COL16A1: variants seen among roughly 807,000 people sequenced by gnomAD.
COL16A1 encodes collagen type XVI alpha 1 chain.
A neutral mutation model predicts 266.3 loss-of-function variants in COL16A1; 189 were observed. The ratio of observed to expected loss-of-function variants is 0.71; its 90% CI spans 0.63 to 0.80. COL16A1 has a LOEUF of 0.80. COL16A1 is among the 30% of genes least tolerant of loss of function. The pLI is 0.00. For missense variants in COL16A1, 1,928 were observed against 2,122.4 expected, an observed-to-expected ratio of 0.91 and a Z score of 1.80; for synonymous variants, 740 against 782.3, an observed-to-expected ratio of 0.95 and a Z score of 0.90.
intron 33 of COL16A1, 81 bp downstream of exon 33, chr1:31,683,869 G>A: frequency 3.7e-6 from 6 of 1,607,852 alleles, no homozygotes; most frequent in African/African-American, 2.7e-5. Context: ...TCCCACTCCA[G>A]GCCCACTGCC....
chr1:31,693,502 A>G (rs1236985235), intron 12 of COL16A1, among the ~76,000 whole-genome samples: 2 of 152,198 alleles, frequency 1.3e-5, no homozygotes, highest in Non-Finnish European at 2.9e-5. Context: ...GCAGAAACCC[A>G]TGCTGGCTGA....
intron 44 of COL16A1, chr1:31,673,183 C>T (rs1009563157): frequency 4.0e-5 from 15 of 373,016 alleles, no homozygotes; most frequent in Admixed American, 7.7e-5. Context: ...GGACAAGCCA[C>T]GAGGAGTGAG....
chr1:31,661,355 G>T, intron 60 of COL16A1, 59 bp downstream of exon 60: 1 of 1,612,366 alleles, frequency 6.2e-7, no homozygotes, highest in South Asian at 1.1e-5. Context: ...ATGTATGCCT[G>T]GGGGCAAGCC....
At chr1:31,678,813 C>T (rs1643389218) in intron 42 of COL16A1, among the ~76,000 whole-genome samples, 1 of 152,170 alleles carries the variant, frequency 6.6e-6, no homozygotes, top group Non-Finnish European at 1.5e-5. Flanking sequence ...CCTACCGTCA[C>T]ACAGCTAGCA....
rs763745610 is a variant in COL16A1, at chr1:31,674,974, CA to C, written c.2859+32del. 3 of 1,608,678 alleles carry C rather than the reference CA, an allele frequency of 1.9e-6. No homozygotes were observed. In the Admixed American group the frequency reaches 5.0e-5, roughly 27 times the overall value. ...GAATCCCCTTAGGAGACACCCCCGC[CA>C]GCTCACACTTCCCTCCTGGGTACCC... is the stretch of plus-strand genomic sequence containing the variant. On this transcript the variant is annotated intron_variant, in intron 44 of 70. Coordinates refer to ENST00000373672, the MANE Select transcript of COL16A1 (RefSeq NM_001856.4).
chr1:31,659,883 T>C (rs1204247063), intron 62 of COL16A1: 1 of 150,450 alleles, frequency 6.6e-6, no homozygotes, highest in Non-Finnish European at 1.5e-5. Flanking sequence ...CCAGGCTTGA[T>C]ATGGCATTCC....
intron 24 of COL16A1, 30 bp from the exon 25 acceptor site, chr1:31,689,001 G>T (rs1326212559): frequency 6.2e-7 from 1 of 1,613,946 alleles, no homozygotes; most frequent in African/African-American, 1.3e-5. Flanking sequence ...GATCAGAAAT[G>T]CTTCCAGGTA....
In COL16A1 at chr1:31,661,882, G is replaced by A. The variant is rs200397433; in HGVS notation, c.3682-178C>T. The A allele has an allele frequency of 6.1e-4, 417 of 678,144 alleles. 5 individuals are homozygous for A. In the East Asian group the frequency reaches 0.01, roughly 16 times the overall value. The allele number at this position is 678,144 out of a possible 1,614,324, so 42.0% of individuals were successfully genotyped here. A position where few individuals can be genotyped will look rare whatever the true frequency, so the allele number is the denominator to read the frequency against. ...CCTCAGTGACTTCCAGCCCCTCTCC[G>A]GGCCTTAGCTTTCCTTCTTTGGGAT... On this transcript the variant is annotated intron_variant, in intron 58 of 70. Coordinates refer to ENST00000373672, the MANE Select transcript of COL16A1 (RefSeq NM_001856.4).
Position 31,656,844 on chromosome 1 carries a change from A to G in COL16A1, c.4056+189T>C. ...GGTTTAAAAAAAAAAAAAAAAAGGT[A>G]AAACAAATCTCACTCCCATCCTTGG... is the stretch of plus-strand genomic sequence containing the variant. On this transcript the variant is annotated intron_variant, in intron 65 of 70. Coordinates refer to ENST00000373672, the MANE Select transcript of COL16A1 (RefSeq NM_001856.4). The surrounding 1 kb of genome is among the most constrained non-coding windows in gnomAD (Gnocchi z 4.2). 2 of 676,552 alleles carry G rather than the reference A, an allele frequency of 3.0e-6. No homozygotes were observed. Among genetic ancestry groups the G allele is most frequent in the East Asian group, 5.5e-5 (2 of 36,270 alleles). The allele number at this position is 676,552 out of a possible 1,614,324, so 41.9% of individuals were successfully genotyped here.
chr1:31,681,615 C>T (rs1317884637), intron 37 of COL16A1, among the ~76,000 whole-genome samples: 1 of 152,216 alleles, frequency 6.6e-6, no homozygotes, highest in Non-Finnish European at 1.5e-5. Flanking sequence ...GGGAAGCCTG[C>T]TGGATGGAAT....
chr1:31,657,313 C>T lies in COL16A1; in HGVS notation c.4021-245G>A, dbSNP rs911045413. On this transcript the variant is annotated intron_variant, in intron 64 of 70. Coordinates refer to ENST00000373672, the MANE Select transcript of COL16A1 (RefSeq NM_001856.4). This position sits in a 1 kb window ranked among gnomAD's most constrained non-coding sequence, Gnocchi z 6.4. ...CTACAAGAGCTTTACAAGGGAAGAA[C>T]AGACCGTGCCTGCCTTGCTGTGTGC... 8.7e-6 allele frequency: 5 copies of T among 574,088 alleles called. No homozygotes were observed. The highest frequency in any genetic ancestry group is 1.9e-5 in the African/African-American group (1 of 53,602). 35.6% of individuals were successfully genotyped at this position (574,088 alleles called of 1,614,324 possible).
chr1:31,654,912 C>T, intron 67 of COL16A1, 54 bp from the exon 68 acceptor site: 1 of 1,601,524 alleles, frequency 6.2e-7, no homozygotes. Flanking sequence ...CTGGCATTTT[C>T]CCCTATGGAA....
At chr1:31,666,905 C>G (rs149355388) in intron 52 of COL16A1, among the ~76,000 whole-genome samples, 125 of 152,332 alleles carry the variant, frequency 8.2e-4, no homozygotes, top group Non-Finnish European at 9.0e-4. Flanking sequence ...CCCTCCCCCA[C>G]GGCAGGGCAA....
At position 31,698,000 on chromosome 1, in the gene COL16A1, G is replaced by A; in HGVS notation, c.563C>T (p.Ser188Leu). The A allele has an allele frequency of 1.2e-6, 2 of 1,613,546 alleles. No homozygotes were observed. The highest frequency in any genetic ancestry group is 2.2e-5 in the East Asian group (1 of 44,872). ...GGGCCCCAGAGGCTGGGAGGAGGCT[G>A]AGCTGCAGTCCACGTGCACAGAGGC... ...RVASVHVDCS[S>L]ASSQPLGPRR... The change falls in exon 6 of 71, where the codon TCA (serine) becomes TTA (leucine). Residue 188 changes from serine (S) to leucine (L), a missense_variant. This residue lies in a region of COL16A1 where 1,552 missense variants were observed against 1,637.2 expected (regional missense o/e 0.95). Transcript: ENST00000373672. The surrounding 1 kb of genome is among the most constrained non-coding windows in gnomAD (Gnocchi z 4.2).
intron 60 of COL16A1, 103 bp downstream of exon 60, chr1:31,661,311 G>A (rs1641640818): frequency 6.3e-7 from 1 of 1,580,816 alleles, no homozygotes; most frequent in Non-Finnish European, 8.6e-7. Context: ...AGGCTCTGAT[G>A]CTGGGATGGC....
rs75196479 is a variant in COL16A1, at chr1:31,656,043, G to C, written c.4101+357C>G. ...CTTCTGGAAAACTTGCCAATCCCTA[G>C]TGTAAGTGTGACTGGTCTATTGTGA... On this transcript the variant is annotated intron_variant, in intron 66 of 70. Transcript: ENST00000373672. This position sits in a 1 kb window ranked among gnomAD's most constrained non-coding sequence, Gnocchi z 4.2. 2.8e-6 allele frequency: 1 copy of C among 358,456 alleles called. No individual in the cohort carries two copies. Among genetic ancestry groups the C allele is most frequent in the Non-Finnish European group, 5.1e-6 (1 of 194,360 alleles). 22.2% of individuals were successfully genotyped at this position (358,456 alleles called of 1,614,324 possible).
chr1:31,662,533 C>A, intron 57 of COL16A1, 54 bp downstream of exon 57: 1 of 1,547,234 alleles, frequency 6.5e-7, no homozygotes, highest in Admixed American at 1.9e-5. Context: ...ACATGCACCA[C>A]ACACATGCGC....
chr1:31,701,561 G>A lies in COL16A1; in HGVS notation c.73+560C>T, dbSNP rs984589887. The A allele has an allele frequency of 3.0e-6, 3 of 985,286 alleles. No individual in the cohort carries two copies. The African/African-American group carries it at 5.2e-5, about 17-fold the overall frequency. The allele number at this position is 985,286 out of a possible 1,614,324, so 61.0% of individuals were successfully genotyped here. A position where few individuals can be genotyped will look rare whatever the true frequency, so the allele number is the denominator to read the frequency against. On this transcript the variant is annotated intron_variant, in intron 2 of 70. Coordinates refer to ENST00000373672, the MANE Select transcript of COL16A1 (RefSeq NM_001856.4). ...TCAACTTCCCCTGGCTTTGGGCCCTGGAAAGCTGCACCCTCTGTCTCATCC... is the reference window on the plus strand; with the variant it reads ...TCAACTTCCCCTGGCTTTGGGCCCTAGAAAGCTGCACCCTCTGTCTCATCC...
intron 20 of COL16A1, 137 bp from the exon 21 acceptor site, chr1:31,690,710 G>A: frequency 1.4e-6 from 2 of 1,399,320 alleles, no homozygotes; most frequent in South Asian, 2.8e-5. Context: ...GTTCCATTCG[G>A]TCGGTTCCTG....
Sources: gnomAD v4.1 joint callset for allele counts (sites outside exome capture counted in the v4.1 genomes callset) on GRCh38, gnomAD v4.1.1 for gene constraint, gnomAD v4.1.1 regional missense constraint, Gnocchi (gnomAD v3.1) non-coding constraint, MANE v1.5 for transcripts, NCBI Gene and HGNC (gene_info 2026-07-23, HGNC 2026-07-21) for gene names.